FAM114A2: variants seen among roughly 807,000 people sequenced by gnomAD.
FAM114A2 encodes protein FAM114A2.
A neutral mutation model predicts 58.4 loss-of-function variants in FAM114A2; 53 were observed. The observed-to-expected ratio is 0.91, with a 90% confidence interval of 0.73 to 1.14. The LOEUF (loss-of-function observed/expected upper bound fraction) is 1.14, where lower values mean the gene tolerates loss of function less well. FAM114A2 is among the 50% of genes most tolerant of loss of function. FAM114A2 has a pLI of 0.00. For missense variants in FAM114A2, 601 were observed against 581.1 expected, an observed-to-expected ratio of 1.03 and a Z score of -0.35; for synonymous variants, 228 against 211.4, an observed-to-expected ratio of 1.08 and a Z score of -0.68.
chr5:154,012,609 T>C (rs560668735), intron 8 of FAM114A2, among the ~76,000 whole-genome samples: 1 of 152,310 alleles, frequency 6.6e-6, no homozygotes, highest in African/African-American at 2.4e-5. Context: ...TCTCTCTCCA[T>C]CCACTATCCT....
chr5:154,001,123 G>C (rs1309166830), intron 11 of FAM114A2, among the ~76,000 whole-genome samples: 1 of 152,054 alleles, frequency 6.6e-6, no homozygotes, highest in Non-Finnish European at 1.5e-5. Context: ...AGTTTTCATG[G>C]ATTTCAACTT....
intron 11 of FAM114A2, among the ~76,000 whole-genome samples, chr5:153,999,624 C>G (rs1769835705): frequency 6.8e-6 from 1 of 147,874 alleles, no homozygotes; most frequent in Non-Finnish European, 1.5e-5. Flanking sequence ...CACAGCAAGA[C>G]TCCATCTCAA....
chr5:153,996,569 TAAAA>T (rs199965680), intron 12 of FAM114A2, among the ~76,000 whole-genome samples: 19 of 143,114 alleles, frequency 1.3e-4, no homozygotes, highest in Non-Finnish European at 2.3e-4. Context: ...CTAGGAAAAT[TAAAA>T]AAAAAAAAAA....
chr5:153,998,666 G>A (rs1040076482), intron 11 of FAM114A2, among the ~76,000 whole-genome samples: 2 of 152,110 alleles, frequency 1.3e-5, no homozygotes, highest in Non-Finnish European at 2.9e-5. Flanking sequence ...CCAGAATCAT[G>A]AGCCAAATAA....
chr5:154,001,055 A>G (rs1769936188), intron 11 of FAM114A2, among the ~76,000 whole-genome samples: 1 of 152,202 alleles, frequency 6.6e-6, no homozygotes, highest in Non-Finnish European at 1.5e-5. Context: ...TGTGTGTGCC[A>G]GATTTTATTT....
chr5:154,018,983 C>T (rs530404847), intron 8 of FAM114A2, among the ~76,000 whole-genome samples: 1 of 152,296 alleles, frequency 6.6e-6, no homozygotes, highest in South Asian at 2.1e-4. Flanking sequence ...AAAGCATTCC[C>T]TCTGAGAACT....
At chr5:154,016,180 G>A (rs1400764202) in intron 8 of FAM114A2, among the ~76,000 whole-genome samples, 2 of 152,134 alleles carry the variant, frequency 1.3e-5, no homozygotes, top group Non-Finnish European at 2.9e-5. Context: ...GTAAAAGTTT[G>A]GAAAACACAT....
At chr5:154,030,061 T>C (rs560952541) in intron 4 of FAM114A2, among the ~76,000 whole-genome samples, 2 of 152,368 alleles carry the variant, frequency 1.3e-5, no homozygotes, top group South Asian at 2.1e-4. Context: ...TCTATATCTG[T>C]ATAATCACAG....
chr5:154,002,529 T>C (rs1044779628), intron 10 of FAM114A2, 139 bp from the exon 11 acceptor site: 15 of 939,664 alleles, frequency 1.6e-5, no homozygotes, highest in Non-Finnish European at 2.2e-5. Context: ...TCTTCCACAG[T>C]AGTGATATAA....
intron 8 of FAM114A2, among the ~76,000 whole-genome samples, chr5:154,020,094 C>G (rs985412233): frequency 6.6e-6 from 1 of 152,072 alleles, no homozygotes; most frequent in Non-Finnish European, 1.5e-5. Context: ...TTCTTTGAAA[C>G]CAATGAGAAC....
At position 154,033,882 on chromosome 5, in the gene FAM114A2, TCC is replaced by T; in HGVS notation, c.311-1_311del. The T allele has an allele frequency of 6.3e-7, 1 of 1,589,026 alleles. No homozygotes were observed. Among genetic ancestry groups the T allele is most frequent in the Non-Finnish European group, 8.6e-7 (1 of 1,164,056 alleles). On this transcript the variant is annotated splice_acceptor_variant and coding_sequence_variant, in exon 4 of 14. Transcript: ENST00000351797. LOFTEE classifies it high-confidence loss of function. ...TCTCGATGACATTTGAAATGCCTTG[TCC>T]TAATGAGAAAAATAACTTTTTTTTT... is the stretch of plus-strand genomic sequence containing the variant.
intron 1 of FAM114A2, among the ~76,000 whole-genome samples, chr5:154,035,792 T>G (rs1229695287): frequency 6.6e-6 from 1 of 152,236 alleles, no homozygotes; most frequent in African/African-American, 2.4e-5. Flanking sequence ...CTACACCATT[T>G]TACATTTCCA....
At chr5:154,024,394 A>T (rs2113429822) in intron 8 of FAM114A2, among the ~76,000 whole-genome samples, 1 of 152,264 alleles carries the variant, frequency 6.6e-6, no homozygotes, top group Non-Finnish European at 1.5e-5. Context: ...CCTACTTTTT[A>T]TTTTAAAAAA....
chr5:154,003,215 G>A lies in FAM114A2; in HGVS notation c.994-246C>T, dbSNP rs1244797114. 3.1e-5 allele frequency among the ~76,000 whole-genome samples: 4 copies of A among 129,616 alleles called. No homozygotes were observed. In the South Asian group the frequency reaches 9.8e-4, roughly 32 times the overall value. 85.0% of individuals were successfully genotyped at this position (129,616 alleles called of 152,430 possible). ...TTTTTTGAGATGGAATTTCGCTCTT[G>A]TTGCCCAGGCTGGAGTGCAATGGCA... On this transcript the variant is annotated intron_variant, in intron 9 of 13. Transcript: ENST00000351797.
Position 154,033,900 on chromosome 5 carries a change from C to CTTT in FAM114A2, c.311-20_311-18dup. On this transcript the variant is annotated splice_polypyrimidine_tract_variant and intron_variant, in intron 3 of 13. Coordinates refer to ENST00000351797, the MANE Select transcript of FAM114A2 (RefSeq NM_018691.4). Reference sequence around the variant, plus strand: ...TGCCTTGTCCTAATGAGAAAAATAACTTTTTTTTTTGCTATTTGTCACCAA... The same window carrying CTTT: ...TGCCTTGTCCTAATGAGAAAAATAACTTTTTTTTTTTTTGCTATTTGTCACCAA... 1 of 1,406,350 alleles carries CTTT rather than the reference C, an allele frequency of 7.1e-7. No homozygotes were observed. The highest frequency in any genetic ancestry group is 9.7e-7 in the Non-Finnish European group (1 of 1,028,994). 87.1% of individuals were successfully genotyped at this position (1,406,350 alleles called of 1,614,324 possible). A position where few individuals can be genotyped will look rare whatever the true frequency, so the allele number is the denominator to read the frequency against.
intron 9 of FAM114A2, among the ~76,000 whole-genome samples, chr5:154,007,814 A>C (rs1450766851): frequency 6.6e-6 from 1 of 152,192 alleles, no homozygotes; most frequent in Non-Finnish European, 1.5e-5. Flanking sequence ...TTTATTTACT[A>C]TGAGCCAGGC....
chr5:154,003,257 C>A (rs552331698), intron 9 of FAM114A2, among the ~76,000 whole-genome samples: 4 of 151,320 alleles, frequency 2.6e-5, no homozygotes, highest in African/African-American at 9.7e-5. Flanking sequence ...TGGCTCACTG[C>A]AACCTCTGCC....
chr5:154,034,625 A>G (rs145641482), intron 2 of FAM114A2, 119 bp downstream of exon 2: 301 of 779,574 alleles, frequency 3.9e-4, no homozygotes, highest in Non-Finnish European at 5.8e-4. Context: ...TTAGGGTTGT[A>G]AAGAGAAAGA....
intron 12 of FAM114A2, among the ~76,000 whole-genome samples, chr5:153,996,851 G>A (rs1272107404): frequency 6.6e-6 from 1 of 151,892 alleles, no homozygotes; most frequent in African/African-American, 2.4e-5. Flanking sequence ...ACAAAAATTG[G>A]CTGGGCATGG....
Sources: gnomAD v4.1 joint callset for allele counts (sites outside exome capture counted in the v4.1 genomes callset) on GRCh38, gnomAD v4.1.1 for gene constraint, MANE v1.5 for transcripts, NCBI Gene and HGNC (gene_info 2026-07-23, HGNC 2026-07-21) for gene names.